The following ERBB4 variants were observed in gnomAD, a reference collection of about 807,000 sequenced individuals.
ERBB4 encodes receptor tyrosine-protein kinase erbB-4.
Under a neutral mutation model 158.0 loss-of-function variants are expected in ERBB4, and 42 were observed. That is an observed-to-expected ratio of 0.27 (90% CI 0.21 to 0.34). ERBB4 has a LOEUF of 0.34. Among genes scored for constraint, ERBB4 ranks in the 10% least tolerant of loss-of-function variants. ERBB4 has a pLI of 1.00. For missense variants in ERBB4, 1,333 were observed against 1,624.1 expected (o/e 0.82, Z 3.08); for synonymous variants, 583 against 558.7 (o/e 1.04, Z -0.61).
chr2:211,516,423 T>C lies in ERBB4; in HGVS notation c.2487+45480A>G, dbSNP rs529536099. ...ATCTTGGCTCAGTGCAACCTCTGCCTCCTGGGTTCAAGCGATTCTTGTACC... is the reference window on the plus strand; with the variant it reads ...ATCTTGGCTCAGTGCAACCTCTGCCCCCTGGGTTCAAGCGATTCTTGTACC... On this transcript the variant is annotated intron_variant, in intron 20 of 27. Coordinates refer to ENST00000342788, the MANE Select transcript of ERBB4 (RefSeq NM_005235.3). Among the ~76,000 whole-genome samples the C allele has an allele frequency of 1.3e-4, 19 of 151,936 alleles. No individual in the cohort carries two copies. The East Asian group carries it at 3.7e-3, about 30-fold the overall frequency.
At chr2:211,837,801 A>T (rs565546338) in intron 3 of ERBB4, among the ~76,000 whole-genome samples, 1 of 152,132 alleles carries the variant, frequency 6.6e-6, no homozygotes, top group Non-Finnish European at 1.5e-5. Context: ...TTTTCTGTGG[A>T]TAATATATTA....
intron 2 of ERBB4, among the ~76,000 whole-genome samples, chr2:212,071,313 GA>G (rs35559308): frequency 0.71 from 103,479 of 146,162 alleles, 37,172 homozygotes; most frequent in Non-Finnish European, 0.79. Flanking sequence ...CAGAAGAAAT[GA>G]AAAAAAAAAA....
At chr2:211,966,338 T>C (rs2081311239) in intron 2 of ERBB4, among the ~76,000 whole-genome samples, 1 of 152,114 alleles carries the variant, frequency 6.6e-6, no homozygotes, top group African/African-American at 2.4e-5. Context: ...ACCTCCCAGG[T>C]TCAAGTGATT....
chr2:212,516,820 T>G (rs946168231), intron 1 of ERBB4, among the ~76,000 whole-genome samples: 1 of 152,144 alleles, frequency 6.6e-6, no homozygotes, highest in Non-Finnish European at 1.5e-5. Flanking sequence ...TCTTGGTCTT[T>G]GTCTTTGTAC....
At chr2:211,804,524 A>G (rs1012108911) in intron 3 of ERBB4, among the ~76,000 whole-genome samples, 1 of 152,240 alleles carries the variant, frequency 6.6e-6, no homozygotes, top group African/African-American at 2.4e-5. Flanking sequence ...AAGTCTTTCC[A>G]ATAGTCAGAA....
At chr2:211,860,734 G>A (rs970708079) in intron 3 of ERBB4, among the ~76,000 whole-genome samples, 4 of 150,802 alleles carry the variant, frequency 2.7e-5, no homozygotes, top group South Asian at 2.1e-4. Context: ...AAATACTTAT[G>A]CAATGTTTTA....
intron 4 of ERBB4, among the ~76,000 whole-genome samples, chr2:211,774,198 G>C (rs562322393): frequency 1.4e-3 from 216 of 151,678 alleles, no homozygotes; most frequent in Non-Finnish European, 2.6e-3. Context: ...CCAGCCTCCC[G>C]AGTAGCTGGG....
intron 24 of ERBB4, 94 bp from the exon 25 acceptor site, chr2:211,420,705 T>A: frequency 8.8e-7 from 1 of 1,140,560 alleles, no homozygotes; most frequent in Non-Finnish European, 1.3e-6. Flanking sequence ...TCATAACAAA[T>A]GGTTGAAAAA....
chr2:212,006,270 T>A (rs2076257601), intron 2 of ERBB4, among the ~76,000 whole-genome samples: 1 of 152,118 alleles, frequency 6.6e-6, no homozygotes, highest in African/African-American at 2.4e-5. Context: ...AAATAAACTT[T>A]CAGTGTATAA....
intron 3 of ERBB4, among the ~76,000 whole-genome samples, chr2:211,899,059 A>G (rs1174668500): frequency 2.6e-5 from 4 of 152,160 alleles, no homozygotes. Flanking sequence ...TTTCTAAATT[A>G]ACACATGAGT....
At chr2:211,797,671 C>A in intron 3 of ERBB4, among the ~76,000 whole-genome samples, 1 of 151,648 alleles carries the variant, frequency 6.6e-6, no homozygotes, top group East Asian at 1.9e-4. Flanking sequence ...CTAGAAGTCT[C>A]AGCTAAAATG....
intron 25 of ERBB4, among the ~76,000 whole-genome samples, chr2:211,394,580 CTT>C (rs1334359579): frequency 2.0e-5 from 3 of 152,022 alleles, no homozygotes; most frequent in African/African-American, 7.2e-5. Context: ...CTTTTTCTTT[CTT>C]TCTTTTTTAA....
chr2:212,106,944 A>G (rs1289480584), intron 2 of ERBB4, among the ~76,000 whole-genome samples: 1 of 152,246 alleles, frequency 6.6e-6, no homozygotes, highest in Non-Finnish European at 1.5e-5. Flanking sequence ...CCTAGATTTC[A>G]GAGGACCTAT....
intron 3 of ERBB4, among the ~76,000 whole-genome samples, chr2:211,914,420 C>T (rs1287925187): frequency 6.6e-6 from 1 of 151,998 alleles, no homozygotes; most frequent in Non-Finnish European, 1.5e-5. Flanking sequence ...AGCTAGAAAA[C>T]ATCCTTGATT....
At chr2:211,456,695 G>A (rs1250110175) in intron 20 of ERBB4, among the ~76,000 whole-genome samples, 1 of 152,082 alleles carries the variant, frequency 6.6e-6, no homozygotes, top group Non-Finnish European at 1.5e-5. Context: ...GGGAGGAGGG[G>A]AGAGGGATAG....
At chr2:211,525,550 A>C (rs1391343984) in intron 20 of ERBB4, among the ~76,000 whole-genome samples, 1 of 152,174 alleles carries the variant, frequency 6.6e-6, no homozygotes, top group Non-Finnish European at 1.5e-5. Context: ...ATATGCACAT[A>C]GTATGCCATG....
chr2:212,227,001 T>A (rs1270187535), intron 1 of ERBB4, among the ~76,000 whole-genome samples: 1 of 152,100 alleles, frequency 6.6e-6, no homozygotes, highest in African/African-American at 2.4e-5. Flanking sequence ...ATCCTAGCAC[T>A]CTAGAAGGCC....
chr2:212,329,223 TAAA>T (rs1015445023), intron 1 of ERBB4, among the ~76,000 whole-genome samples: 2 of 151,642 alleles, frequency 1.3e-5, no homozygotes, highest in Non-Finnish European at 2.9e-5. Context: ...AACAAAGTAT[TAAA>T]AAGAAGAGAG....
intron 20 of ERBB4, among the ~76,000 whole-genome samples, chr2:211,461,632 C>A (rs1450564674): frequency 6.6e-6 from 1 of 151,688 alleles, no homozygotes; most frequent in African/African-American, 2.4e-5. Flanking sequence ...GAAAGAGGGG[C>A]CACAAGAAAG....
Sources: gnomAD v4.1 joint callset for allele counts (sites outside exome capture counted in the v4.1 genomes callset) on GRCh38, gnomAD v4.1.1 for gene constraint, MANE v1.5 for transcripts, NCBI Gene and HGNC (gene_info 2026-07-23, HGNC 2026-07-21) for gene names.